CAMK2D: variants seen among roughly 807,000 people sequenced by gnomAD.
The protein encoded by CAMK2D is calcium/calmodulin dependent protein kinase II delta, also known as calcium/calmodulin-dependent protein kinase type II subunit delta.
CAMK2D carries 37 observed loss-of-function variants against 84.0 expected under a neutral mutation model. The observed-to-expected ratio is 0.44, with a 90% confidence interval of 0.34 to 0.58. The LOEUF (loss-of-function observed/expected upper bound fraction) is 0.58, where lower values mean the gene tolerates loss of function less well. CAMK2D is among the 20% of genes least tolerant of loss of function. The pLI is 0.02. For synonymous variants in CAMK2D, 202 were observed against 212.5 expected, an observed-to-expected ratio of 0.95 and a Z score of 0.43; for missense variants, 448 against 652.5, an observed-to-expected ratio of 0.69 and a Z score of 3.41.
chr4:113,528,568 C>T (rs148939491), intron 8 of CAMK2D, among the ~76,000 whole-genome samples: 3 of 152,154 alleles, frequency 2.0e-5, no homozygotes, highest in African/African-American at 7.2e-5. Flanking sequence ...TATGAAATGT[C>T]CCTTATGCTG....
At chr4:113,624,691 T>G (rs771908530) in intron 3 of CAMK2D, among the ~76,000 whole-genome samples, 1 of 152,176 alleles carries the variant, frequency 6.6e-6, no homozygotes, top group African/African-American at 2.4e-5. Context: ...CTGGCATACA[T>G]AAGAAACTGC....
intron 9 of CAMK2D, among the ~76,000 whole-genome samples, chr4:113,516,260 AT>A: frequency 6.6e-6 from 1 of 152,302 alleles, no homozygotes; most frequent in Non-Finnish European, 1.5e-5. Context: ...CCTGAAGCTT[AT>A]CTTTGGCAGT....
chr4:113,697,041 T>G (rs2099405083), intron 2 of CAMK2D, among the ~76,000 whole-genome samples: 1 of 152,106 alleles, frequency 6.6e-6, no homozygotes, highest in Non-Finnish European at 1.5e-5. Flanking sequence ...GAGTCTTGAT[T>G]TGGTACAGGA....
chr4:113,671,324 A>G (rs1007199206), intron 2 of CAMK2D, among the ~76,000 whole-genome samples: 1 of 152,188 alleles, frequency 6.6e-6, no homozygotes, highest in Non-Finnish European at 1.5e-5. Context: ...ACATGCTGTT[A>G]TTCATTTTTC....
chr4:113,598,637 C>G (rs958651438), intron 4 of CAMK2D, among the ~76,000 whole-genome samples: 1 of 152,164 alleles, frequency 6.6e-6, no homozygotes, highest in African/African-American at 2.4e-5. Context: ...AAACACACAC[C>G]GGATAAAGCT....
chr4:113,596,403 T>C (rs2098926748), intron 4 of CAMK2D, among the ~76,000 whole-genome samples: 1 of 152,230 alleles, frequency 6.6e-6, no homozygotes, highest in Non-Finnish European at 1.5e-5. Context: ...TTAAATGGCA[T>C]CTAGAATGGT....
intron 7 of CAMK2D, 133 bp from the exon 8 acceptor site, chr4:113,531,432 G>C (rs939633218): frequency 1.6e-6 from 1 of 642,832 alleles, no homozygotes; most frequent in African/African-American, 1.8e-5. Flanking sequence ...GGTTCTCAGA[G>C]CAATAAATAG....
chr4:113,553,501 T>C (rs1419555907), intron 4 of CAMK2D, among the ~76,000 whole-genome samples: 1 of 152,248 alleles, frequency 6.6e-6, no homozygotes, highest in Admixed American at 6.5e-5. Context: ...AAGGATAGCA[T>C]GTTTTAGAGA....
chr4:113,613,279 G>A (rs2154269616), intron 3 of CAMK2D, among the ~76,000 whole-genome samples: 1 of 152,212 alleles, frequency 6.6e-6, no homozygotes, highest in East Asian at 1.9e-4. Context: ...CAAGTAATTG[G>A]CCTGGCTAGG....
chr4:113,526,414 ATGTGTGTGTGTGTGTGTGTG>A (rs35503858), intron 8 of CAMK2D, among the ~76,000 whole-genome samples: 1 of 149,568 alleles, frequency 6.7e-6, no homozygotes, highest in African/African-American at 2.5e-5. Context: ...GTCATTCTTG[ATGTGTGTGTGTGTGTGTGTG>A]TGTGTGTGTG....
intron 2 of CAMK2D, among the ~76,000 whole-genome samples, chr4:113,692,984 T>C (rs72678784): frequency 0.044 from 6,671 of 152,228 alleles, 271 homozygotes; most frequent in African/African-American, 0.095. Flanking sequence ...TTCTTACTTT[T>C]ACTTCCGTAT....
chr4:113,673,360 G>C (rs540764797), intron 2 of CAMK2D, among the ~76,000 whole-genome samples: 3 of 152,310 alleles, frequency 2.0e-5, no homozygotes, highest in Admixed American at 1.3e-4. Flanking sequence ...TCCAACAATT[G>C]CAAGAAAATT....
chr4:113,494,721 G>A (rs1002657242), intron 16 of CAMK2D, among the ~76,000 whole-genome samples: 36 of 152,316 alleles, frequency 2.4e-4, no homozygotes, highest in Admixed American at 5.9e-4. Flanking sequence ...GGGCAATGGC[G>A]GGCGCCCCTC....
chr4:113,471,978 T>C (rs772372469), intron 16 of CAMK2D, among the ~76,000 whole-genome samples: 5 of 152,204 alleles, frequency 3.3e-5, no homozygotes, highest in Non-Finnish European at 7.3e-5. Context: ...CCTGGCTCTT[T>C]GATAACTGTA....
chr4:113,502,460 A>C (rs1257489434), intron 15 of CAMK2D, among the ~76,000 whole-genome samples: 1 of 112,960 alleles, frequency 8.9e-6, no homozygotes, highest in Non-Finnish European at 1.8e-5. Flanking sequence ...ACCAAAAACC[A>C]AAAAAAAAAA....
At chr4:113,639,080 CAA>C (rs779226375) in intron 3 of CAMK2D, among the ~76,000 whole-genome samples, 32 of 127,240 alleles carry the variant, frequency 2.5e-4, no homozygotes, top group Admixed American at 3.1e-4. Flanking sequence ...TTGCCTCTAC[CAA>C]AAAAAAAAAA....
chr4:113,519,679 A>T (rs1313710059), intron 8 of CAMK2D, among the ~76,000 whole-genome samples: 3 of 152,318 alleles, frequency 2.0e-5, no homozygotes, highest in East Asian at 3.9e-4. Flanking sequence ...TATTTTCTGA[A>T]TGTATAGAAC....
intron 2 of CAMK2D, among the ~76,000 whole-genome samples, chr4:113,745,480 G>A (rs2099602233): frequency 1.3e-5 from 2 of 152,060 alleles, no homozygotes; most frequent in African/African-American, 4.8e-5. Context: ...CATCAAACCA[G>A]TTTGTAAGTT....
intron 7 of CAMK2D, among the ~76,000 whole-genome samples, chr4:113,532,748 C>G (rs905558835): frequency 2.6e-5 from 4 of 152,182 alleles, no homozygotes; most frequent in Admixed American, 2.6e-4. Flanking sequence ...ATTCATTCAA[C>G]ATGATTTCAT....
Sources: allele counts gnomAD v4.1 joint callset (sites outside exome capture counted in the v4.1 genomes callset), GRCh38; gene constraint gnomAD v4.1.1; transcripts MANE v1.5; gene names NCBI Gene and HGNC (gene_info 2026-07-23, HGNC 2026-07-21).